The following RFFL variants were observed in gnomAD, a reference collection of about 807,000 sequenced individuals.
RFFL encodes the protein ring finger and FYVE like domain containing E3 ubiquitin protein ligase.
A neutral mutation model predicts 40.4 loss-of-function variants in RFFL; 16 were observed. The observed-to-expected ratio is 0.40, with a 90% confidence interval of 0.27 to 0.60. The LOEUF is 0.60. Ranked by LOEUF, RFFL falls within the 20% of genes least tolerant of loss-of-function variation. The probability of loss-of-function intolerance (pLI) is 0.47; values close to 1 mark genes in which losing one functional copy is unlikely to be tolerated. For missense variants in RFFL, 367 were observed against 451.7 expected (o/e 0.81, Z 1.70); for synonymous variants, 154 against 167.9 (o/e 0.92, Z 0.64).
chr17:35,042,784 C>G (rs1354857112), intron 1 of RFFL, among the ~76,000 whole-genome samples: 1 of 136,162 alleles, frequency 7.3e-6, no homozygotes, highest in Non-Finnish European at 1.5e-5. Context: ...GAGATCACAT[C>G]ACTGCACTCC....
chr17:35,017,538 A>C lies in RFFL; in HGVS notation c.660T>G (p.Ala220=), dbSNP rs1185806125. ...VYLESVARVP[A]EDETQSIDSE... The stretch of plus-strand genomic sequence containing the variant: ...GAGGCCCCACCTGGGTCTCATCCTC[A>C]GCAGGTACTCTGGCCACGCTCTCCA... The change falls in exon 4 of 7, where the codon GCT becomes GCG. Residue 220 remains alanine, a synonymous_variant. Transcript: ENST00000394597. 6.2e-7 allele frequency: 1 copy of C among 1,610,354 alleles called. No homozygotes were observed. Among genetic ancestry groups the C allele is most frequent in the Non-Finnish European group, 8.5e-7 (1 of 1,178,038 alleles).
At chr17:35,063,835 C>T (rs1244521737), upstream of RFFL, 1 of 152,240 alleles carries the variant, frequency 6.6e-6, no homozygotes, top group Non-Finnish European at 1.5e-5. Context: ...CTGAACCAAC[C>T]GCAGTCAACT....
At chr17:35,081,889 G>A (rs1279729096) in intron 1 of RFFL, among the ~76,000 whole-genome samples, 2 of 152,036 alleles carry the variant, frequency 1.3e-5, no homozygotes, top group Non-Finnish European at 1.5e-5. Flanking sequence ...AGGCCCTTAA[G>A]GGTGGAAACT....
chr17:35,016,187 A>G (rs1317035751), intron 5 of RFFL, among the ~76,000 whole-genome samples, 183 bp downstream of exon 5: 1 of 152,226 alleles, frequency 6.6e-6, no homozygotes, highest in East Asian at 1.9e-4. Flanking sequence ...ACATACATGC[A>G]ATGCCTAATC....
intron 3 of RFFL, among the ~76,000 whole-genome samples, chr17:35,020,329 G>C (rs1342558728): frequency 6.6e-6 from 1 of 151,820 alleles, no homozygotes; most frequent in African/African-American, 2.4e-5. Flanking sequence ...ACAGCAGGAG[G>C]TGAGTGGCTG....
chr17:35,039,296 T>C (rs1282577798), intron 1 of RFFL, among the ~76,000 whole-genome samples: 1 of 152,188 alleles, frequency 6.6e-6, no homozygotes, highest in African/African-American at 2.4e-5. Flanking sequence ...CTCGGCTCAC[T>C]GCAACCTCCG....
intron 1 of RFFL, among the ~76,000 whole-genome samples, chr17:35,070,654 T>G (rs1396802553): frequency 1.3e-5 from 2 of 152,176 alleles, no homozygotes; most frequent in Admixed American, 1.3e-4. Flanking sequence ...TGGGCAGTAC[T>G]GTACTGGGAG....
intron 2 of RFFL, among the ~76,000 whole-genome samples, chr17:35,024,099 C>T (rs1216407591): frequency 6.6e-6 from 1 of 152,110 alleles, no homozygotes; most frequent in Admixed American, 6.5e-5. Context: ...CAGAAATGCC[C>T]AGGGTGTACT....
chr17:35,047,080 C>G (rs1201279719), intron 1 of RFFL, among the ~76,000 whole-genome samples: 3 of 152,222 alleles, frequency 2.0e-5, no homozygotes, highest in Non-Finnish European at 4.4e-5. Context: ...CCCCCTACTA[C>G]TCTGGTGCAG....
chr17:35,088,920 C>T (rs2091444363), intron 1 of RFFL: 1 of 152,366 alleles, frequency 6.6e-6, no homozygotes, highest in Non-Finnish European at 1.5e-5. Context: ...GCCCTGAAGG[C>T]GGGGACTTCC....
intron 1 of RFFL, among the ~76,000 whole-genome samples, chr17:35,058,804 C>T (rs957924357): frequency 9.9e-5 from 15 of 152,024 alleles, no homozygotes; most frequent in Admixed American, 1.3e-4. Flanking sequence ...ATCCCAATCA[C>T]ATTGCATGCC....
At chr17:35,014,710 G>A (rs757707375) in intron 6 of RFFL, 30 bp downstream of exon 6, 104 of 1,606,624 alleles carry the variant, frequency 6.5e-5, no homozygotes, top group Non-Finnish European at 8.7e-5. Context: ...AAGGGCCTAA[G>A]CCCATTCCCA....
At chr17:35,082,469 A>C (rs1267791115) in intron 1 of RFFL, among the ~76,000 whole-genome samples, 2 of 152,270 alleles carry the variant, frequency 1.3e-5, no homozygotes, top group African/African-American at 2.4e-5. Flanking sequence ...CTCTGGGTAC[A>C]TGCCAACACT....
At chr17:35,086,754 T>G (rs2091432282) in intron 1 of RFFL, among the ~76,000 whole-genome samples, 2 of 152,098 alleles carry the variant, frequency 1.3e-5, no homozygotes, top group Non-Finnish European at 2.9e-5. Flanking sequence ...AAATCTTTCC[T>G]CCAAAAACAT....
intron 1 of RFFL, among the ~76,000 whole-genome samples, chr17:35,052,170 C>T (rs578242960): frequency 1.3e-5 from 2 of 152,146 alleles, no homozygotes; most frequent in Non-Finnish European, 2.9e-5. Flanking sequence ...AAATAAGATG[C>T]CTTTGACATC....
rs1036184807 is a variant in RFFL at position 35,009,483 on chromosome 17, G to A, written c.*2485C>T. 1 of 151,112 alleles carries A rather than the reference G, an allele frequency of 6.6e-6. No homozygotes were observed. The highest frequency in any genetic ancestry group is 1.5e-5 in the Non-Finnish European group (1 of 67,914). The allele number at this position is 151,112 out of a possible 1,614,324, so 9.4% of individuals were successfully genotyped here. A position where few individuals can be genotyped will look rare whatever the true frequency, so the allele number is the denominator to read the frequency against. ...AGGATCCATGAGGGGCAGAAGGGAG[G>A]ATTCAAAGATTTAAAAAAAATCAAA... On this transcript the variant is annotated 3_prime_UTR_variant, in exon 7 of 7. Transcript: ENST00000394597.
At chr17:35,019,052 G>T (rs2142319159) in intron 3 of RFFL, 1 of 152,338 alleles carries the variant, frequency 6.6e-6, no homozygotes, top group South Asian at 2.1e-4. Flanking sequence ...TTGATTGCTA[G>T]GGCACTAAAG....
Position 35,016,573 on chromosome 17 carries a change from T to A in RFFL, c.683A>T (p.Asp228Val), listed in dbSNP as rs1201038450. ...VPAEDETQSIDSEDSFVPGRR... is the reference protein window; with the variant it reads ...VPAEDETQSIVSEDSFVPGRR... ...GCCTGGGACAAAGCTGTCCTCTGAGTCAATAGACTGCAATGACAAAGATGA... is the reference window on the plus strand; with the variant it reads ...GCCTGGGACAAAGCTGTCCTCTGAGACAATAGACTGCAATGACAAAGATGA... Residue 228 changes from aspartate to valine, a missense_variant, in exon 5 of 7, where the codon GAC becomes GTC. By Grantham distance (152) the Asp-to-Val change is radical (BLOSUM62 -3). Coordinates refer to ENST00000394597, the MANE Select transcript of RFFL (RefSeq NM_001017368.2). 5 of 1,613,420 alleles carry A rather than the reference T, an allele frequency of 3.1e-6. No individual in the cohort carries two copies. The highest frequency in any genetic ancestry group is 4.2e-6 in the Non-Finnish European group (5 of 1,179,554).
intron 1 of RFFL, among the ~76,000 whole-genome samples, chr17:35,054,299 A>T (rs912398542): frequency 6.6e-6 from 1 of 152,326 alleles, no homozygotes; most frequent in African/African-American, 2.4e-5. Flanking sequence ...ATAAATATTT[A>T]CTGTAAAACA....
Sources: allele counts gnomAD v4.1 joint callset (sites outside exome capture counted in the v4.1 genomes callset), GRCh38; gene constraint gnomAD v4.1.1; transcripts MANE v1.5; gene names NCBI Gene and HGNC (gene_info 2026-07-23, HGNC 2026-07-21).